The following NCOA1 variants were observed in gnomAD, a reference collection of about 807,000 sequenced individuals.
NCOA1 encodes the protein nuclear receptor coactivator 1.
A neutral mutation model predicts 150.9 loss-of-function variants in NCOA1; 35 were observed. The ratio of observed to expected loss-of-function variants is 0.23; its 90% CI spans 0.18 to 0.31. The LOEUF (loss-of-function observed/expected upper bound fraction) is 0.31, where lower values mean the gene tolerates loss of function less well. NCOA1 is among the 10% of genes least tolerant of loss of function. The pLI is 1.00. For missense variants in NCOA1, 1,491 were observed against 1,749.3 expected (o/e 0.85, Z 2.63); for synonymous variants, 590 against 630.0 (o/e 0.94, Z 0.95).
chr2:24,546,807 T>C (rs548473935), intron 1 of NCOA1, among the ~76,000 whole-genome samples: 1 of 152,374 alleles, frequency 6.6e-6, no homozygotes, highest in East Asian at 1.9e-4. Flanking sequence ...TCTCAGGCTT[T>C]CTTCACATGT....
chr2:24,686,042 C>A (rs1672387208), intron 8 of NCOA1, among the ~76,000 whole-genome samples: 1 of 152,048 alleles, frequency 6.6e-6, no homozygotes, highest in Non-Finnish European at 1.5e-5. Flanking sequence ...ACTCTTGTCA[C>A]CCAGGCTGGA....
chr2:24,695,971 G>A (rs1255916247), intron 10 of NCOA1, among the ~76,000 whole-genome samples: 1 of 152,130 alleles, frequency 6.6e-6, no homozygotes. Context: ...AGATTATGTA[G>A]CAGTGGAATC....
chr2:24,598,896 T>C (rs1192362690), intron 3 of NCOA1, among the ~76,000 whole-genome samples: 2 of 152,198 alleles, frequency 1.3e-5, no homozygotes, highest in Non-Finnish European at 2.9e-5. Flanking sequence ...ACCCAACTGG[T>C]AGTTAAAAAA....
intron 14 of NCOA1, among the ~76,000 whole-genome samples, chr2:24,723,505 G>A (rs55881729): frequency 2.0e-4 from 31 of 152,300 alleles, no homozygotes; most frequent in African/African-American, 7.5e-4. Context: ...CTTTCCAGCA[G>A]TTGTTTCAGC....
chr2:24,727,979 G>GT (rs1197610301), intron 15 of NCOA1, among the ~76,000 whole-genome samples: 1 of 152,098 alleles, frequency 6.6e-6, no homozygotes, highest in Non-Finnish European at 1.5e-5. Flanking sequence ...TTTTTTCTCA[G>GT]TTTTTGGCTG....
chr2:24,718,400 C>T (rs1451043199), intron 14 of NCOA1, among the ~76,000 whole-genome samples: 1 of 152,150 alleles, frequency 6.6e-6, no homozygotes, highest in African/African-American at 2.4e-5. Flanking sequence ...GAACATTGTT[C>T]AGCAATTTCT....
At chr2:24,601,200 C>T (rs1278083101) in intron 3 of NCOA1, among the ~76,000 whole-genome samples, 1 of 150,126 alleles carries the variant, frequency 6.7e-6, no homozygotes, top group African/African-American at 2.4e-5. Flanking sequence ...TTTAATAGAT[C>T]TTTAACATCT....
At chr2:24,700,913 G>A (rs1673125896) in intron 11 of NCOA1, among the ~76,000 whole-genome samples, 1 of 152,136 alleles carries the variant, frequency 6.6e-6, no homozygotes, top group African/African-American at 2.4e-5. Flanking sequence ...ACTATAACTA[G>A]GAAATGATGT....
intron 3 of NCOA1, among the ~76,000 whole-genome samples, chr2:24,628,768 A>G (rs572067074): frequency 1.3e-5 from 2 of 152,164 alleles, no homozygotes; most frequent in South Asian, 4.1e-4. Flanking sequence ...ACAGCAGATA[A>G]CATATTGTAG....
intron 1 of NCOA1, chr2:24,554,433 C>G (rs1276461341): frequency 2.0e-5 from 3 of 151,988 alleles, no homozygotes; most frequent in Non-Finnish European, 4.4e-5. Context: ...GAAAACAGCT[C>G]TCTCTCTAAT....
chr2:24,520,487 A>G (rs1425047337), intron 1 of NCOA1, among the ~76,000 whole-genome samples: 1 of 152,210 alleles, frequency 6.6e-6, no homozygotes, highest in South Asian at 2.1e-4. Flanking sequence ...AAAGCTGCCA[A>G]CCAAAAAAGA....
rs150610971 is a variant in NCOA1, at chr2:24,504,554, T to C, written c.-396+12952T>C. Among the ~76,000 whole-genome samples, 869 of 152,326 alleles carry C rather than the reference T, an allele frequency of 5.7e-3. 17 individuals carry two copies. The highest frequency in any genetic ancestry group is 5.0e-3 in the Non-Finnish European group (341 of 68,022). ...TTGGAGTTATTGAAGAAAAGAAGAA[T>C]TGCTTTTATGTGTCAACCTAAATGG... On this transcript the variant is annotated intron_variant, in intron 1 of 22. Transcript: ENST00000348332.
intron 3 of NCOA1, among the ~76,000 whole-genome samples, chr2:24,624,914 A>G (rs753673801): frequency 6.6e-6 from 1 of 152,202 alleles, no homozygotes; most frequent in Admixed American, 6.5e-5. Flanking sequence ...AGGACCAGAT[A>G]GTAAATGCTG....
intron 3 of NCOA1, among the ~76,000 whole-genome samples, chr2:24,614,553 G>A (rs539147882): frequency 5.9e-5 from 9 of 151,798 alleles, no homozygotes; most frequent in African/African-American, 1.2e-4. Context: ...TATATCAGAC[G>A]TTTAAAATAG....
chr2:24,581,106 G>GCT (rs1667177232), intron 2 of NCOA1, among the ~76,000 whole-genome samples: 1 of 152,320 alleles, frequency 6.6e-6, no homozygotes, highest in Middle Eastern at 3.4e-3. Context: ...GCTGGGAGGG[G>GCT]CAGGAATGTG....
At chr2:24,564,953 C>T (rs1666437836) in intron 2 of NCOA1, among the ~76,000 whole-genome samples, 1 of 152,138 alleles carries the variant, frequency 6.6e-6, no homozygotes, top group African/African-American at 2.4e-5. Flanking sequence ...CCTTACTGAT[C>T]ATCCTTTAGA....
chr2:24,767,612 GAAA>G (rs1665134859), intron 22 of NCOA1, among the ~76,000 whole-genome samples: 1 of 152,140 alleles, frequency 6.6e-6, no homozygotes, highest in African/African-American at 2.4e-5. Context: ...TCTATCAGGG[GAAA>G]AAAGTCAAAT....
chr2:24,761,648 CTT>C (rs1391268701), intron 21 of NCOA1, among the ~76,000 whole-genome samples: 2 of 152,174 alleles, frequency 1.3e-5, no homozygotes, highest in Non-Finnish European at 2.9e-5. Flanking sequence ...TTTTCTGCCT[CTT>C]TGCATGCCTG....
chr2:24,708,179 C>G (rs1326794718), intron 13 of NCOA1, among the ~76,000 whole-genome samples: 12 of 152,206 alleles, frequency 7.9e-5, no homozygotes, highest in Admixed American at 7.9e-4. Flanking sequence ...CCCTGCCCCT[C>G]TCTCCCAGCC....
Sources: gnomAD v4.1 joint callset for allele counts (sites outside exome capture counted in the v4.1 genomes callset) on GRCh38, gnomAD v4.1.1 for gene constraint, MANE v1.5 for transcripts, NCBI Gene and HGNC (gene_info 2026-07-23, HGNC 2026-07-21) for gene names.